The following FRY variants were observed in gnomAD, a reference collection of about 807,000 sequenced individuals.
The protein encoded by FRY is FRY microtubule binding protein, also known as protein furry homolog.
A neutral mutation model predicts 348.4 loss-of-function variants in FRY; 128 were observed. That is an observed-to-expected ratio of 0.37 (90% CI 0.32 to 0.43). FRY has a LOEUF of 0.43. FRY is among the 20% of genes least tolerant of loss of function. The pLI is 1.00. For synonymous variants in FRY, 1,370 were observed against 1,374.7 expected (o/e 1.00, Z 0.08); for missense variants, 2,736 against 3,695.2 (o/e 0.74, Z 6.73).
rs993470477 is a variant in FRY, at chr13:32,135,195, T to C, written c.1077+12T>C. The C allele has an allele frequency of 1.3e-6, 2 of 1,528,174 alleles. No individual in the cohort carries two copies. Among genetic ancestry groups the C allele is most frequent in the East Asian group, 2.2e-5 (1 of 44,450 alleles). 94.7% of individuals were successfully genotyped at this position (1,528,174 alleles called of 1,614,324 possible). A position where few individuals can be genotyped will look rare whatever the true frequency, so the allele number is the denominator to read the frequency against. On this transcript the variant is annotated intron_variant, in intron 10 of 60. Transcript: ENST00000542859. Reference sequence around the variant, plus strand: ...AGAAGCATTCCTTGGTTAGTAACTATGAGAAAATCGAAAACACAAACAAAA... The same window carrying C: ...AGAAGCATTCCTTGGTTAGTAACTACGAGAAAATCGAAAACACAAACAAAA...
At chr13:32,074,374 AAAGAG>A (rs1874877522) in intron 1 of FRY, among the ~76,000 whole-genome samples, 1 of 152,360 alleles carries the variant, frequency 6.6e-6, no homozygotes, top group African/African-American at 2.4e-5. Context: ...GAGAAAATAT[AAAGAG>A]AAGACAAATT....
chr13:32,227,959 C>T (rs539146476), intron 39 of FRY, among the ~76,000 whole-genome samples: 1 of 152,250 alleles, frequency 6.6e-6, no homozygotes, highest in East Asian at 1.9e-4. Flanking sequence ...ACCATGCTAG[C>T]CAGGATGGTC....
intron 3 of FRY, among the ~76,000 whole-genome samples, chr13:32,112,121 A>G (rs1427797087): frequency 6.6e-6 from 1 of 152,220 alleles, no homozygotes; most frequent in Non-Finnish European, 1.5e-5. Flanking sequence ...GGGGCTTTTC[A>G]GGTTCCCACA....
At chr13:32,217,775 G>A (rs1385752073) in intron 35 of FRY, among the ~76,000 whole-genome samples, 2 of 152,218 alleles carry the variant, frequency 1.3e-5, no homozygotes, top group African/African-American at 4.8e-5. Flanking sequence ...AAAGATGAGT[G>A]AGCAAGATTA....
chr13:32,101,877 GA>G, intron 2 of FRY, 85 bp from the exon 3 acceptor site: 2 of 832,454 alleles, frequency 2.4e-6, no homozygotes, highest in African/African-American at 1.7e-5. Context: ...AAATGAGTGA[GA>G]AAAAATGGAA....
At chr13:32,166,077 T>C (rs905548932) in intron 17 of FRY, among the ~76,000 whole-genome samples, 1 of 147,432 alleles carries the variant, frequency 6.8e-6, no homozygotes, top group African/African-American at 2.6e-5. Context: ...CAGGCCTGCT[T>C]AGTGCTCCTG....
At chr13:32,120,389 A>G (rs1430713305) in intron 4 of FRY, among the ~76,000 whole-genome samples, 1 of 152,000 alleles carries the variant, frequency 6.6e-6, no homozygotes, top group Non-Finnish European at 1.5e-5. Context: ...TCAGTGTGTT[A>G]GTCAAGCAGA....
Position 32,294,405 on chromosome 13 carries a change from A to T in FRY, c.8618A>T (p.Lys2873Ile). The change falls in exon 60 of 61, where the codon AAA (lysine) becomes ATA (isoleucine). Residue 2873 changes from lysine (K) to isoleucine (I), a missense_variant. Lys to Ile is a moderately radical substitution (Grantham distance 102). Around this residue, in one of 9 missense-constraint regions of FRY, gnomAD observed 157 missense variants for 215.2 expected, o/e 0.73. Transcript: ENST00000542859. ...NMSRELSDLK[K>I]HLKEASAVIA... ...TCCAGGGAACTGAGTGACCTAAAGA[A>T]ACACCTGAAGGAAGCCAGTGCAGTC... is the stretch of plus-strand genomic sequence containing the variant. The T allele has an allele frequency of 6.2e-7, 1 of 1,614,112 alleles. No homozygotes were observed.
rs768494416 is a variant in FRY at position 32,237,819 on chromosome 13, A to T, written c.6251A>T (p.Lys2084Met). The change falls in exon 44 of 61, where the codon AAG becomes ATG. Residue 2084 changes from lysine to methionine, a missense_variant. Physicochemically the swap from Lys to Met is moderately conservative, Grantham distance 95. Around this residue, in one of 9 missense-constraint regions of FRY, gnomAD observed 789 missense variants for 996.2 expected, o/e 0.79. Transcript: ENST00000542859. The surrounding 1 kb of genome is among the most constrained non-coding windows in gnomAD (Gnocchi z 6.3). ...CTCGATAAGGCTGAGAACCGAGAAA[A>T]GCTTGAGAAACTCCAGGCACAGCTG... ...MPLDKAENREKLEKLQAQLKW... is the reference protein window; with the variant it reads ...MPLDKAENREMLEKLQAQLKW... 3.7e-6 allele frequency: 6 copies of T among 1,614,144 alleles called. No individual in the cohort carries two copies. Among genetic ancestry groups the T allele is most frequent in the Non-Finnish European group, 5.1e-6 (6 of 1,180,026 alleles).
chr13:32,185,932 A>C (rs1015652335), intron 26 of FRY, among the ~76,000 whole-genome samples: 5 of 152,214 alleles, frequency 3.3e-5, no homozygotes, highest in African/African-American at 1.2e-4. Flanking sequence ...GGCAGCAGTC[A>C]AAAAACATTT....
At chr13:32,041,027 T>C (rs2138361653) in intron 1 of FRY, among the ~76,000 whole-genome samples, 1 of 152,342 alleles carries the variant, frequency 6.6e-6, no homozygotes, top group East Asian at 1.9e-4. Flanking sequence ...ACGAAAAAGT[T>C]GCTCTAGGTG....
chr13:32,175,030 T>C (rs1427353685), intron 19 of FRY, among the ~76,000 whole-genome samples: 1 of 152,180 alleles, frequency 6.6e-6, no homozygotes, highest in African/African-American at 2.4e-5. Flanking sequence ...CCAATTTGCA[T>C]CTTGTATCAA....
chr13:32,134,208 TA>T (rs539970417), intron 8 of FRY, among the ~76,000 whole-genome samples: 12 of 150,126 alleles, frequency 8.0e-5, no homozygotes, highest in Admixed American at 3.3e-4. Flanking sequence ...ACATTTTGTT[TA>T]AAAAAAAAAT....
chr13:32,237,534 G>T lies in FRY; in HGVS notation c.5966G>T (p.Gly1989Val). The change falls in exon 44 of 61, where the codon GGT becomes GTT. Residue 1989 changes from glycine (G) to valine (V), a missense_variant. Around this residue, in one of 9 missense-constraint regions of FRY, gnomAD observed 12 missense variants for 38.6 expected, o/e 0.31. Transcript: ENST00000542859. This position sits in a 1 kb window ranked among gnomAD's most constrained non-coding sequence, Gnocchi z 6.3. Reference protein sequence around the residue: ...QRSFSVPKKFGVIDRSSDPPR... With the variant: ...QRSFSVPKKFVVIDRSSDPPR... ...AGCTTCTCTGTGCCCAAGAAGTTTG[G>T]TGTCATCGACCGATCCTCTGACCCA... 6.2e-7 allele frequency: 1 copy of T among 1,614,092 alleles called. No individual in the cohort carries two copies. The highest frequency in any genetic ancestry group is 8.5e-7 in the Non-Finnish European group (1 of 1,180,018).
intron 14 of FRY, 35 bp from the exon 15 acceptor site, chr13:32,155,456 C>T (rs1881055625): frequency 6.5e-7 from 1 of 1,541,902 alleles, no homozygotes; most frequent in African/African-American, 1.4e-5. Flanking sequence ...ATAATTGGGC[C>T]TTTCCTTTTG....
At chr13:32,219,827 A>T (rs1047353516) in intron 36 of FRY, among the ~76,000 whole-genome samples, 1 of 152,228 alleles carries the variant, frequency 6.6e-6, no homozygotes, top group African/African-American at 2.4e-5. Context: ...TCAGGATAGG[A>T]TCTGTTCCTA....
In FRY at chr13:32,073,544, G is replaced by GGTGT. The variant is rs35631279; in HGVS notation, c.71-5269_71-5266dup. ...TGTGGTATTTGTGTGTATGTGGGCG[G>GGTGT]GTGTGTGTGTGTGTGTGTGTGTGTA... On this transcript the variant is annotated intron_variant, in intron 1 of 60. Coordinates refer to ENST00000542859, the MANE Select transcript of FRY (RefSeq NM_023037.3). Among the ~76,000 whole-genome samples the GGTGT allele has an allele frequency of 7.1e-4, 106 of 148,598 alleles. 2 individuals carry two copies. Among genetic ancestry groups the GGTGT allele is most frequent in the Admixed American group, 5.9e-3 (88 of 14,848 alleles).
At chr13:32,294,631 T>C in intron 60 of FRY, 61 bp downstream of exon 60, 2 of 1,293,138 alleles carry the variant, frequency 1.5e-6, no homozygotes, top group Non-Finnish European at 2.2e-6. Flanking sequence ...TGTTACTCTG[T>C]CATGGTTGGA....
chr13:32,274,586 C>T (rs1380260211), intron 55 of FRY, among the ~76,000 whole-genome samples: 2 of 151,190 alleles, frequency 1.3e-5, no homozygotes, highest in Non-Finnish European at 2.9e-5. Context: ...CACCTGTAGT[C>T]CCAGCTACTC....
Sources: gnomAD v4.1 joint callset for allele counts (sites outside exome capture counted in the v4.1 genomes callset) on GRCh38, gnomAD v4.1.1 for gene constraint, gnomAD v4.1.1 regional missense constraint, Gnocchi (gnomAD v3.1) non-coding constraint, MANE v1.5 for transcripts, NCBI Gene and HGNC (gene_info 2026-07-23, HGNC 2026-07-21) for gene names.